Variants in CSMD1 observed in about 807,000 individuals in gnomAD.
CSMD1 encodes CUB and Sushi multiple domains 1.
Under a neutral mutation model 417.5 loss-of-function variants are expected in CSMD1, and 213 were observed. The observed-to-expected ratio is 0.51, with a 90% CI of 0.46 to 0.57. The LOEUF (loss-of-function observed/expected upper bound fraction) is 0.57. Among genes scored for constraint, CSMD1 ranks in the 20% least tolerant of loss-of-function variants. The pLI is 0.00. For synonymous variants in CSMD1, 2,862 were observed against 1,736.8 expected (o/e 1.65, Z -16.11); for missense variants, 6,923 against 4,529.7 (o/e 1.53, Z -15.17).
At chr8:4,740,803 T>C (rs771146974) in intron 1 of CSMD1, among the ~76,000 whole-genome samples, 2 of 152,192 alleles carry the variant, frequency 1.3e-5, no homozygotes, top group African/African-American at 2.4e-5. Context: ...AGCACAGGTA[T>C]AGGATATCCT....
At chr8:3,115,782 G>C (rs971093913) in intron 42 of CSMD1, among the ~76,000 whole-genome samples, 1 of 152,056 alleles carries the variant, frequency 6.6e-6, no homozygotes, top group Non-Finnish European at 1.5e-5. Flanking sequence ...TTGGGATTTA[G>C]AATTATTTTA....
At chr8:4,565,921 A>C (rs1404156962) in intron 2 of CSMD1, among the ~76,000 whole-genome samples, 2 of 151,628 alleles carry the variant, frequency 1.3e-5, no homozygotes, top group African/African-American at 4.8e-5. Flanking sequence ...TTTTTGTTTC[A>C]ATGAGTGAAA....
intron 3 of CSMD1, among the ~76,000 whole-genome samples, chr8:4,158,065 T>C (rs1796935796): frequency 6.7e-6 from 1 of 149,938 alleles, no homozygotes; most frequent in Non-Finnish European, 1.5e-5. Flanking sequence ...TACCCCTGCT[T>C]CCCCATTACA....
Position 3,083,636 on chromosome 8 carries a change from ATATATATATATATTTTTTTTTTTTTTT to A in CSMD1, c.7474+3434_7474+3460del, listed in dbSNP as rs1814289176. The stretch of plus-strand genomic sequence containing the variant: ...TATATATATATATATATATATATAT[ATATATATATATATTTTTTTTTTTTTTT>A]TTTTTTTTTTTTTTTTTGGTCTCAT... On this transcript the variant is annotated intron_variant, in intron 49 of 69. Coordinates refer to ENST00000635120, the MANE Select transcript of CSMD1 (RefSeq NM_033225.6). 3.7e-4 allele frequency among the ~76,000 whole-genome samples: 8 copies of A among 21,520 alleles called. 1 individual carries two copies. The highest frequency in any genetic ancestry group is 3.3e-3 in the Admixed American group (4 of 1,212). The allele number at this position is 21,520 out of a possible 152,430, so 14.1% of individuals were successfully genotyped here.
intron 2 of CSMD1, among the ~76,000 whole-genome samples, chr8:4,543,725 G>T (rs11776307): frequency 0.29 from 41,120 of 143,830 alleles, 6,514 homozygotes; most frequent in East Asian, 0.39. Context: ...TCTTCCAAAC[G>T]GGCTGTACCA....
At chr8:4,846,174 A>G (rs1030978021) in intron 1 of CSMD1, among the ~76,000 whole-genome samples, 1 of 152,218 alleles carries the variant, frequency 6.6e-6, no homozygotes, top group African/African-American at 2.4e-5. Context: ...AAACTAGCAC[A>G]TGCACCAAAG....
chr8:4,821,383 C>T (rs1164298168), intron 1 of CSMD1, among the ~76,000 whole-genome samples: 1 of 151,998 alleles, frequency 6.6e-6, no homozygotes, highest in Non-Finnish European at 1.5e-5. Flanking sequence ...GCGTTTATCC[C>T]CATAAAGCAA....
chr8:3,704,529 G>A (rs778521535), intron 7 of CSMD1, among the ~76,000 whole-genome samples: 1 of 152,202 alleles, frequency 6.6e-6, no homozygotes, highest in Non-Finnish European at 1.5e-5. Flanking sequence ...GACTCAAACA[G>A]CTAGAGAGAT....
chr8:4,101,684 G>T (rs572006284), intron 3 of CSMD1, among the ~76,000 whole-genome samples: 1 of 152,246 alleles, frequency 6.6e-6, no homozygotes, highest in African/African-American at 2.4e-5. Context: ...GAAAGTGATG[G>T]TAACCAAATG....
In CSMD1 at chr8:3,930,810, T is replaced by C. The variant is rs1386182446; in HGVS notation, c.818+67093A>G. Among the ~76,000 whole-genome samples, 7 of 150,744 alleles carry C rather than the reference T, an allele frequency of 4.6e-5. 2 individuals are homozygous for C. Among genetic ancestry groups the C allele is most frequent in the Non-Finnish European group, 1.0e-4 (7 of 67,618 alleles). ...AACATGTACAAGGGTCAAGATTTCTTATAAATTTGCACTTAAAACAAAATA... is the reference window on the plus strand; with the variant it reads ...AACATGTACAAGGGTCAAGATTTCTCATAAATTTGCACTTAAAACAAAATA... On this transcript the variant is annotated intron_variant, in intron 5 of 69. Coordinates refer to ENST00000635120, the MANE Select transcript of CSMD1 (RefSeq NM_033225.6).
intron 5 of CSMD1, among the ~76,000 whole-genome samples, chr8:3,765,519 G>C (rs1798217730): frequency 6.6e-6 from 1 of 152,232 alleles, no homozygotes; most frequent in Non-Finnish European, 1.5e-5. Context: ...TGCTAACTCA[G>C]ACATCTTCCT....
At chr8:4,903,879 C>T (rs560080415) in intron 1 of CSMD1, among the ~76,000 whole-genome samples, 1 of 152,198 alleles carries the variant, frequency 6.6e-6, no homozygotes, top group African/African-American at 2.4e-5. Context: ...GCATGGATGC[C>T]TTCAACGCCG....
intron 5 of CSMD1, among the ~76,000 whole-genome samples, chr8:3,966,935 G>C (rs1812716129): frequency 6.6e-6 from 1 of 152,190 alleles, no homozygotes; most frequent in African/African-American, 2.4e-5. Flanking sequence ...TGGTCTTTAT[G>C]ATCAAGAGAT....
intron 4 of CSMD1, among the ~76,000 whole-genome samples, chr8:4,009,541 T>A (rs979431848): frequency 6.6e-6 from 1 of 152,254 alleles, no homozygotes. Context: ...TAAGTCATGA[T>A]GTTAAATTTA....
chr8:3,028,508 C>T (rs537132908), intron 51 of CSMD1, among the ~76,000 whole-genome samples: 5 of 152,280 alleles, frequency 3.3e-5, no homozygotes, highest in South Asian at 2.1e-4. Context: ...ATGTTCATTA[C>T]GATTATGAAA....
At chr8:3,904,957 A>G (rs1226384440) in intron 5 of CSMD1, among the ~76,000 whole-genome samples, 1 of 152,100 alleles carries the variant, frequency 6.6e-6, no homozygotes, top group Non-Finnish European at 1.5e-5. Context: ...TATTTTCCTT[A>G]TCTGACATTT....
At chr8:3,572,605 C>G (rs1799989901) in intron 10 of CSMD1, among the ~76,000 whole-genome samples, 1 of 152,196 alleles carries the variant, frequency 6.6e-6, no homozygotes, top group Admixed American at 6.5e-5. Context: ...TTCCTTTTAG[C>G]TATGTTTTCT....
At chr8:3,849,673 G>A (rs933168588) in intron 5 of CSMD1, among the ~76,000 whole-genome samples, 7 of 152,142 alleles carry the variant, frequency 4.6e-5, no homozygotes, top group African/African-American at 1.7e-4. Context: ...GTCGATTTTA[G>A]TGATGTTGTC....
intron 5 of CSMD1, among the ~76,000 whole-genome samples, chr8:3,828,831 T>G (rs1436546583): frequency 1.3e-5 from 2 of 152,056 alleles, no homozygotes; most frequent in Non-Finnish European, 2.9e-5. Flanking sequence ...CACTCTTGAT[T>G]GCAAAACTCC....
Sources: gnomAD v4.1 joint callset for allele counts (sites outside exome capture counted in the v4.1 genomes callset) on GRCh38, gnomAD v4.1.1 for gene constraint, MANE v1.5 for transcripts, NCBI Gene and HGNC (gene_info 2026-07-23, HGNC 2026-07-21) for gene names.